PLEKHH2: variants seen among roughly 807,000 people sequenced by gnomAD.
The protein encoded by PLEKHH2 is pleckstrin homology domain-containing family H member 2.
PLEKHH2 carries 129 observed loss-of-function variants against 187.9 expected under a neutral mutation model. The ratio of observed to expected loss-of-function variants is 0.69; its 90% CI spans 0.59 to 0.79. The LOEUF (loss-of-function observed/expected upper bound fraction) is 0.79, where lower values mean the gene tolerates loss of function less well. Among genes scored for constraint, PLEKHH2 ranks in the 30% least tolerant of loss-of-function variants. The pLI, the probability that PLEKHH2 is intolerant of heterozygous loss-of-function variation, is 0.00. For synonymous variants in PLEKHH2, 686 were observed against 605.6 expected (o/e 1.13, Z -1.95); for missense variants, 2,076 against 1,751.2 (o/e 1.19, Z -3.31).
intron 15 of PLEKHH2, among the ~76,000 whole-genome samples, chr2:43,713,180 T>C (rs1334012839): frequency 1.3e-5 from 2 of 152,282 alleles, no homozygotes; most frequent in Non-Finnish European, 2.9e-5. Context: ...GGAAGTGGTC[T>C]TAATTTGCAA....
At chr2:43,727,298 G>C (rs1482295722) in intron 17 of PLEKHH2, among the ~76,000 whole-genome samples, 1 of 151,834 alleles carries the variant, frequency 6.6e-6, no homozygotes, top group African/African-American at 2.4e-5. Flanking sequence ...TGTAATCCCA[G>C]CTACTTGGGA....
chr2:43,666,308 G>A (rs1000479152), intron 2 of PLEKHH2, among the ~76,000 whole-genome samples: 1 of 151,312 alleles, frequency 6.6e-6, no homozygotes, highest in African/African-American at 2.5e-5. Context: ...TCCCAGGTAA[G>A]GCAATGCCTC....
chr2:43,710,051 C>T lies in PLEKHH2; in HGVS notation c.2028C>T (p.Ser676=), dbSNP rs55657424. The T allele has an allele frequency of 7.6e-4, 1,229 of 1,613,296 alleles. 8 individuals carry two copies. In the African/African-American group the frequency reaches 0.015, roughly 20 times the overall value. Residue 676 remains serine, a synonymous_variant, in exon 12 of 30, where the codon TCC becomes TCT. Coordinates refer to ENST00000282406, the MANE Select transcript of PLEKHH2 (RefSeq NM_172069.4). ...SDYAIPPDAY[S]TDTEYSQPEQ... The stretch of plus-strand genomic sequence containing the variant: ...ATGCTATTCCTCCTGATGCTTACTC[C>T]ACAGACACGGAGTACTCACAGCCAG...
intron 2 of PLEKHH2, chr2:43,675,871 T>A (rs370102860): frequency 6.2e-7 from 1 of 1,613,970 alleles, no homozygotes; most frequent in African/African-American, 1.3e-5. Context: ...GTACTTTAAA[T>A]TTTCAATGAC....
At chr2:43,739,428 G>A (rs1057354677) in intron 20 of PLEKHH2, among the ~76,000 whole-genome samples, 19 of 152,186 alleles carry the variant, frequency 1.2e-4, no homozygotes, top group Middle Eastern at 3.2e-3. Flanking sequence ...TGTATTGACT[G>A]CCTGTTAGCC....
In PLEKHH2 at chr2:43,753,599, T is replaced by C. The variant is rs202086409; in HGVS notation, c.3654-20T>C. ...TGTAAGAATATAATTTAATGAGAAA[T>C]TTACTCTTTTTTTTTACAGACTATA... On this transcript the variant is annotated intron_variant, in intron 24 of 29. Transcript: ENST00000282406. 18 of 1,436,042 alleles carry C rather than the reference T, an allele frequency of 1.3e-5. No homozygotes were observed. Among genetic ancestry groups the C allele is most frequent in the Non-Finnish European group, 1.6e-5 (17 of 1,085,138 alleles). The allele number at this position is 1,436,042 out of a possible 1,614,324, so 89.0% of individuals were successfully genotyped here.
chr2:43,743,714 G>A, intron 22 of PLEKHH2, 120 bp from the exon 23 acceptor site: 1 of 967,444 alleles, frequency 1.0e-6, no homozygotes, highest in Non-Finnish European at 1.4e-6. Flanking sequence ...AAAAGTTGAA[G>A]CACCTAGAAA....
In PLEKHH2 at chr2:43,645,824, A is replaced by T. The variant is rs538176994; in HGVS notation, c.123+1028A>T. On this transcript the variant is annotated intron_variant, in intron 2 of 29. Transcript: ENST00000282406. ...GAATGGATGAATGATATTAGTGGTT[A>T]TTCAGAACTGATCAGAAGAACTTAC... Among the ~76,000 whole-genome samples, 3 of 152,278 alleles carry T rather than the reference A, an allele frequency of 2.0e-5. No homozygotes were observed. In the East Asian group the frequency reaches 5.8e-4, roughly 29 times the overall value.
chr2:43,637,992 G>A (rs1703194284), intron 1 of PLEKHH2, among the ~76,000 whole-genome samples: 1 of 152,200 alleles, frequency 6.6e-6, no homozygotes, highest in African/African-American at 2.4e-5. Context: ...TGTGGAAATA[G>A]AAGTCGAACC....
intron 20 of PLEKHH2, 145 bp downstream of exon 20, chr2:43,738,665 T>C: frequency 1.3e-6 from 1 of 750,446 alleles, no homozygotes; most frequent in Non-Finnish European, 2.0e-6. Flanking sequence ...ATGTCTACCT[T>C]TTTGGTTTAT....
chr2:43,659,834 C>T (rs954697505), intron 2 of PLEKHH2, among the ~76,000 whole-genome samples: 1 of 152,204 alleles, frequency 6.6e-6, no homozygotes, highest in Non-Finnish European at 1.5e-5. Context: ...GCTGGGATTA[C>T]AGGTGTTAGC....
In PLEKHH2 at chr2:43,731,558, C is replaced by T. The variant is rs778719096; in HGVS notation, c.2899C>T (p.Leu967=). The T allele has an allele frequency of 3.7e-6, 6 of 1,604,714 alleles. No individual in the cohort carries two copies. The East Asian group carries it at 1.1e-4, about 30-fold the overall frequency. ...KEGIISPLTT[L]PSEALQTEAI... ...AGGAATCATTTCCCCTCTGACAACT[C>T]TACCTTCCGAAGCCCTGCAGACAGA... Residue 967 remains leucine (L), a synonymous_variant, in exon 19 of 30, where the codon CTA becomes TTA. Coordinates refer to ENST00000282406, the MANE Select transcript of PLEKHH2 (RefSeq NM_172069.4).
rs756885776 is a variant in PLEKHH2 at position 43,710,104 on chromosome 2, C to T, written c.2081C>T (p.Ser694Phe). The T allele has an allele frequency of 3.7e-6, 6 of 1,612,852 alleles. No homozygotes were observed. Among genetic ancestry groups the T allele is most frequent in the Middle Eastern group, 1.6e-4 (1 of 6,072 alleles). The change falls in exon 12 of 30, where the codon TCT becomes TTT. Residue 694 changes from serine to phenylalanine, a missense_variant. Coordinates refer to ENST00000282406, the MANE Select transcript of PLEKHH2 (RefSeq NM_172069.4). The part of the protein sequence containing the change: ...PEQKLPKTCS[S>F]SSDNGKNEPL... ...CAGAAGCTCCCAAAAACTTGCTCAT[C>T]TTCCAGTGATAATGGGAAAAATGTA...
chr2:43,659,398 G>C (rs1240862105), intron 2 of PLEKHH2, among the ~76,000 whole-genome samples: 1 of 151,308 alleles, frequency 6.6e-6, no homozygotes, highest in Non-Finnish European at 1.5e-5. Context: ...TTAAAAAATA[G>C]ATGTTATTCT....
intron 2 of PLEKHH2, chr2:43,676,040 A>G (rs763548259): frequency 1.9e-6 from 3 of 1,613,866 alleles, no homozygotes; most frequent in African/African-American, 1.3e-5. Flanking sequence ...GCTTTGTCAC[A>G]GTGTTTGGTC....
At chr2:43,748,471 TC>T (rs1671870446) in intron 24 of PLEKHH2, among the ~76,000 whole-genome samples, 1 of 152,170 alleles carries the variant, frequency 6.6e-6, no homozygotes, top group Admixed American at 6.5e-5. Context: ...GAGCAGTAGT[TC>T]CCAACGTGGG....
At chr2:43,682,595 G>A (rs560035910) in intron 3 of PLEKHH2, among the ~76,000 whole-genome samples, 65 of 152,178 alleles carry the variant, frequency 4.3e-4, no homozygotes, top group Middle Eastern at 3.4e-3. Flanking sequence ...ATGAGCCACC[G>A]TGCCCAGCCA....
At chr2:43,731,706 C>T in intron 19 of PLEKHH2, 104 bp downstream of exon 19, 1 of 720,782 alleles carries the variant, frequency 1.4e-6, no homozygotes, top group Non-Finnish European at 2.2e-6. Flanking sequence ...CAAAATTTTA[C>T]TCCAAGAAAA....
At chr2:43,676,092 T>G in intron 2 of PLEKHH2, 1 of 1,613,806 alleles carries the variant, frequency 6.2e-7, no homozygotes, top group Non-Finnish European at 8.5e-7. Flanking sequence ...CATCTTCGGA[T>G]TCTCCAAAGA....
Sources: allele counts gnomAD v4.1 joint callset (sites outside exome capture counted in the v4.1 genomes callset), GRCh38; gene constraint gnomAD v4.1.1; transcripts MANE v1.5; gene names NCBI Gene and HGNC (gene_info 2026-07-23, HGNC 2026-07-21).